Variants in LINGO2 observed in about 807,000 individuals in gnomAD.
LINGO2 encodes the protein leucine rich repeat and Ig domain containing 2, also known as leucine-rich repeat and immunoglobulin-like domain-containing nogo receptor-interacting protein 2.
Under a neutral mutation model 30.6 loss-of-function variants are expected in LINGO2, and 14 were observed. The observed-to-expected ratio is 0.46, with a 90% confidence interval of 0.30 to 0.72. LINGO2 has a LOEUF of 0.72. LINGO2 is among the 30% of genes least tolerant of loss of function. The pLI, the probability that LINGO2 is intolerant of heterozygous loss-of-function variation, is 0.07. For synonymous variants in LINGO2, 317 were observed against 288.5 expected (o/e 1.10, Z -1.00); for missense variants, 729 against 751.7 (o/e 0.97, Z 0.35).
intron 1 of LINGO2, among the ~76,000 whole-genome samples, chr9:28,495,712 G>T (rs976648508): frequency 6.6e-6 from 1 of 152,086 alleles, no homozygotes; most frequent in Non-Finnish European, 1.5e-5. Context: ...TTTTGAATGT[G>T]TTTGCTCTTG....
At chr9:28,421,388 C>T (rs1157580446) in intron 2 of LINGO2, among the ~76,000 whole-genome samples, 1 of 141,884 alleles carries the variant, frequency 7.0e-6, no homozygotes, top group African/African-American at 2.5e-5. Flanking sequence ...AATGCAATAC[C>T]TATAAAAAAC....
the LINGO2 span, among the ~76,000 whole-genome samples, chr9:28,779,966 C>A: frequency 8.6e-5 from 13 of 152,020 alleles, 1 homozygote; most frequent in East Asian, 2.3e-3. Context: ...TGTTTAATGC[C>A]TTTTTTCTTC....
chr9:28,184,942 A>G (rs1819489714), intron 4 of LINGO2, among the ~76,000 whole-genome samples: 1 of 152,106 alleles, frequency 6.6e-6, no homozygotes, highest in African/African-American at 2.4e-5. Flanking sequence ...GGAAATTAAA[A>G]CAAAACACAA....
chr9:28,423,531 C>G lies in LINGO2; in HGVS notation c.-278-50663G>C, dbSNP rs16912943. Among the ~76,000 whole-genome samples the G allele has an allele frequency of 5.1e-3, 779 of 152,206 alleles. 10 individuals carry two copies. Among genetic ancestry groups the G allele is most frequent in the African/African-American group, 0.017 (715 of 41,550 alleles). ...TTAAAAATTAAATCAATTAAGGATG[C>G]TACCTGTCACTAAATTAGCTTACAC... On this transcript the variant is annotated intron_variant, in intron 2 of 5. Coordinates refer to ENST00000379992, the Ensembl canonical transcript of LINGO2.
At chr9:28,518,990 A>C (rs1051002441) in intron 1 of LINGO2, among the ~76,000 whole-genome samples, 33 of 151,990 alleles carry the variant, frequency 2.2e-4, no homozygotes, top group African/African-American at 7.2e-4. Context: ...TTTAATGACT[A>C]TTTCACAGTA....
At chr9:28,469,188 A>G (rs1825425771) in intron 2 of LINGO2, among the ~76,000 whole-genome samples, 1 of 152,032 alleles carries the variant, frequency 6.6e-6, no homozygotes, top group Non-Finnish European at 1.5e-5. Flanking sequence ...GAGTTGTTCA[A>G]CAGCAACCTT....
At chr9:28,399,838 C>T (rs139947695) in intron 2 of LINGO2, among the ~76,000 whole-genome samples, 17 of 152,200 alleles carry the variant, frequency 1.1e-4, no homozygotes, top group African/African-American at 4.1e-4. Context: ...GATTCTACAT[C>T]CGACATATTT....
chr9:28,642,013 G>GTT lies in LINGO2; in HGVS notation c.-365+28185_-365+28186dup, dbSNP rs11453154. The stretch of plus-strand genomic sequence containing the variant: ...ATATGCTCTGTATTTATAATACTCT[G>GTT]TTTTTTTTTTTAGCTAGCTAAAGCA... On this transcript the variant is annotated intron_variant, in intron 1 of 5. Coordinates refer to ENST00000379992, the Ensembl canonical transcript of LINGO2. Among the ~76,000 whole-genome samples, 901 of 144,744 alleles carry GTT rather than the reference G, an allele frequency of 6.2e-3. 12 individuals are homozygous for GTT. The highest frequency in any genetic ancestry group is 0.021 in the African/African-American group (848 of 39,732). 95.0% of individuals were successfully genotyped at this position (144,744 alleles called of 152,430 possible). A position where few individuals can be genotyped will look rare whatever the true frequency, so the allele number is the denominator to read the frequency against.
chr9:28,853,121 A>G, the LINGO2 span, among the ~76,000 whole-genome samples: 1 of 152,048 alleles, frequency 6.6e-6, no homozygotes, highest in African/African-American at 2.4e-5. Flanking sequence ...TAAGAAGGCA[A>G]TCTGTCTACA....
At chr9:28,575,019 T>C (rs1295528314) in intron 1 of LINGO2, among the ~76,000 whole-genome samples, 1 of 152,198 alleles carries the variant, frequency 6.6e-6, no homozygotes, top group Non-Finnish European at 1.5e-5. Flanking sequence ...AATACTACTA[T>C]GCAGCTTTTA....
At chr9:28,874,620 A>T in the LINGO2 span, among the ~76,000 whole-genome samples, 9 of 152,202 alleles carry the variant, frequency 5.9e-5, no homozygotes, top group East Asian at 1.7e-3. Context: ...TAAAATCTTC[A>T]GTGGTGGAAC....
the LINGO2 span, among the ~76,000 whole-genome samples, chr9:28,793,522 T>C: frequency 6.6e-6 from 1 of 152,236 alleles, no homozygotes; most frequent in African/African-American, 2.4e-5. Flanking sequence ...GATATATTCC[T>C]ATATTACATA....
chr9:28,802,646 CCCACCAGCCAA>C, the LINGO2 span, among the ~76,000 whole-genome samples: 1 of 152,020 alleles, frequency 6.6e-6, no homozygotes, highest in Admixed American at 6.6e-5. Flanking sequence ...TGGAACGTTA[CCCACCAGCCAA>C]CTTAACTTGA....
the LINGO2 span, among the ~76,000 whole-genome samples, chr9:28,808,902 A>G: frequency 6.6e-6 from 1 of 152,216 alleles, no homozygotes; most frequent in East Asian, 1.9e-4. Context: ...AAGAACAGAC[A>G]AAAGAAAAAC....
intron 5 of LINGO2, among the ~76,000 whole-genome samples, chr9:27,999,120 C>T (rs1821814541): frequency 6.6e-6 from 1 of 151,806 alleles, no homozygotes; most frequent in South Asian, 2.1e-4. Flanking sequence ...AGAAGAAAGG[C>T]ACATTGGGTC....
At chr9:28,893,748 ATTTT>A in the LINGO2 span, among the ~76,000 whole-genome samples, 5 of 150,608 alleles carry the variant, frequency 3.3e-5, no homozygotes. Flanking sequence ...TAATGGTTTG[ATTTT>A]TTTTAATTAT....
At chr9:28,090,917 A>G (rs947674342) in intron 4 of LINGO2, among the ~76,000 whole-genome samples, 1 of 152,170 alleles carries the variant, frequency 6.6e-6, no homozygotes, top group Non-Finnish European at 1.5e-5. Context: ...TTATACACCA[A>G]TAACAGACAA....
intron 1 of LINGO2, among the ~76,000 whole-genome samples, chr9:28,557,996 T>G (rs1587858710): frequency 3.0e-5 from 2 of 66,126 alleles, no homozygotes; most frequent in African/African-American, 6.3e-5. Context: ...GGGACTGTGG[T>G]GGGGTGGGGG....
intron 3 of LINGO2, among the ~76,000 whole-genome samples, chr9:28,347,610 G>C (rs956517659): frequency 2.0e-5 from 3 of 152,132 alleles, no homozygotes; most frequent in Admixed American, 2.0e-4. Flanking sequence ...TGAATGTGCA[G>C]TCCAATGCAC....
Sources: allele counts gnomAD v4.1 joint callset (sites outside exome capture counted in the v4.1 genomes callset), GRCh38; gene constraint gnomAD v4.1.1; transcripts MANE v1.5; gene names NCBI Gene and HGNC (gene_info 2026-07-23, HGNC 2026-07-21).